Variants in FNBP1 observed in about 807,000 individuals in gnomAD.
FNBP1 encodes the protein formin-binding protein 1.
FNBP1 carries 26 observed loss-of-function variants against 90.6 expected under a neutral mutation model. The observed-to-expected ratio is 0.29, with a 90% CI of 0.21 to 0.40. FNBP1 has a LOEUF of 0.40. FNBP1 is among the 10% of genes least tolerant of loss of function. The pLI is 1.00. For synonymous variants in FNBP1, 260 were observed against 265.2 expected (o/e 0.98, Z 0.19); for missense variants, 635 against 768.0 (o/e 0.83, Z 2.05).
intron 1 of FNBP1, among the ~76,000 whole-genome samples, chr9:130,030,540 G>A (rs1299379162): frequency 2.6e-5 from 4 of 152,028 alleles, no homozygotes; most frequent in Admixed American, 6.6e-5. Context: ...CTATAAAACA[G>A]ACTCTATTCT....
At chr9:129,905,879 CT>C (rs35439760) in intron 12 of FNBP1, among the ~76,000 whole-genome samples, 15 of 145,414 alleles carry the variant, frequency 1.0e-4, no homozygotes, top group Non-Finnish European at 1.1e-4. Flanking sequence ...AGGCATATTT[CT>C]TTTTTTTTTT....
At chr9:129,922,307 C>T (rs537602638) in intron 10 of FNBP1, among the ~76,000 whole-genome samples, 2 of 152,330 alleles carry the variant, frequency 1.3e-5, no homozygotes, top group South Asian at 4.1e-4. Context: ...TCCATTATCT[C>T]TATGATGTAA....
intron 1 of FNBP1, among the ~76,000 whole-genome samples, chr9:130,001,219 T>C (rs2054787298): frequency 6.6e-6 from 1 of 150,386 alleles, no homozygotes; most frequent in Admixed American, 6.6e-5. Context: ...GTAATAACAG[T>C]TACTCGGGAG....
intron 11 of FNBP1, among the ~76,000 whole-genome samples, chr9:129,913,224 C>CA (rs1564308940): frequency 1.3e-5 from 2 of 151,896 alleles, no homozygotes; most frequent in African/African-American, 2.4e-5. Context: ...AAAACAAAAA[C>CA]AAAAAACTCA....
Position 129,888,345 on chromosome 9 carries a change from T to G in FNBP1, c.*2194A>C. 4.3e-6 allele frequency: 1 copy of G among 232,614 alleles called. No individual in the cohort carries two copies. The highest frequency in any genetic ancestry group is 8.5e-6 in the Non-Finnish European group (1 of 117,680). The allele number at this position is 232,614 out of a possible 1,614,324, so 14.4% of individuals were successfully genotyped here. On this transcript the variant is annotated 3_prime_UTR_variant, in exon 17 of 17. Coordinates refer to ENST00000446176, the MANE Select transcript of FNBP1 (RefSeq NM_015033.3). ...GAGTGGTCCACTTGACTTGGTGAGG[T>G]CAGAAGTTCCTGAAGATCCCTGTCG...
chr9:129,943,853 C>T (rs1019506808), intron 6 of FNBP1, among the ~76,000 whole-genome samples: 1 of 151,602 alleles, frequency 6.6e-6, no homozygotes. Flanking sequence ...ATTAGCCGGG[C>T]GTGGTATCGG....
chr9:129,976,879 G>A (rs1478526513), intron 4 of FNBP1, among the ~76,000 whole-genome samples: 1 of 151,784 alleles, frequency 6.6e-6, no homozygotes, highest in Non-Finnish European at 1.5e-5. Flanking sequence ...TAAAAGAACT[G>A]TTGTGGCTGG....
At chr9:129,951,455 T>G (rs1260718147) in intron 6 of FNBP1, among the ~76,000 whole-genome samples, 1 of 151,860 alleles carries the variant, frequency 6.6e-6, no homozygotes, top group African/African-American at 2.4e-5. Flanking sequence ...TTTGTTTGTT[T>G]GTTTGAGACA....
upstream of FNBP1, chr9:130,043,201 C>T (rs1352241317): frequency 1.7e-5 from 6 of 356,060 alleles, no homozygotes; most frequent in African/African-American, 4.3e-5. Context: ...GCCGCCGCAG[C>T]GCCCGCCCGC....
intron 12 of FNBP1, among the ~76,000 whole-genome samples, chr9:129,907,583 GTGTGT>G (rs2038361894): frequency 1.5e-3 from 5 of 3,278 alleles, no homozygotes; most frequent in Admixed American, 3.8e-3. Context: ...GAGTGAGGGT[GTGTGT>G]GTGTGTGTGT....
intron 2 of FNBP1, among the ~76,000 whole-genome samples, chr9:129,989,931 G>C (rs1365673905): frequency 6.6e-6 from 1 of 151,998 alleles, no homozygotes; most frequent in Non-Finnish European, 1.5e-5. Flanking sequence ...CCAGCTACTT[G>C]GGAGGCTGTG....
At chr9:129,967,083 G>T (rs946097862) in intron 4 of FNBP1, among the ~76,000 whole-genome samples, 2 of 152,222 alleles carry the variant, frequency 1.3e-5, no homozygotes, top group African/African-American at 4.8e-5. Flanking sequence ...GAGATGGTGT[G>T]TAAGAGAAAA....
Position 130,031,056 on chromosome 9 carries a change from G to T in FNBP1, c.24+11896C>A, listed in dbSNP as rs2058760254. ...CTCCCCCTTGAACATCTTGAAGTGG[G>T]AGGAGGCAGAGGGTGGCTCCTAGGC... On this transcript the variant is annotated intron_variant, in intron 1 of 16. Transcript: ENST00000446176. This position sits in a 1 kb window ranked among gnomAD's most constrained non-coding sequence, Gnocchi z 4.2. Among the ~76,000 whole-genome samples the T allele has an allele frequency of 6.6e-6, 1 of 152,182 alleles. No homozygotes were observed. The highest frequency in any genetic ancestry group is 6.5e-5 in the Admixed American group (1 of 15,276).
chr9:129,916,436 G>A (rs998569478), intron 10 of FNBP1, among the ~76,000 whole-genome samples: 7 of 152,028 alleles, frequency 4.6e-5, no homozygotes, highest in Non-Finnish European at 8.8e-5. Context: ...TGACCAACAC[G>A]GAGAAACCCT....
intron 8 of FNBP1, among the ~76,000 whole-genome samples, chr9:129,926,082 G>A (rs994552470): frequency 2.4e-4 from 36 of 148,424 alleles, no homozygotes; most frequent in African/African-American, 7.2e-4. Context: ...AGCAATTCTC[G>A]TGCCTCAGCC....
intron 1 of FNBP1, among the ~76,000 whole-genome samples, chr9:130,035,487 C>T (rs2059226066): frequency 6.6e-6 from 1 of 152,306 alleles, no homozygotes; most frequent in Non-Finnish European, 1.5e-5. Flanking sequence ...GTACTAATGA[C>T]TCCATCTAAG....
At chr9:130,027,943 G>C (rs1370452900) in intron 1 of FNBP1, among the ~76,000 whole-genome samples, 1 of 151,928 alleles carries the variant, frequency 6.6e-6, no homozygotes, top group Non-Finnish European at 1.5e-5. Flanking sequence ...AAAAAAAATA[G>C]GGTCTCATTG....
At chr9:130,048,304 GACTCCA>G in the FNBP1 span, among the ~76,000 whole-genome samples, 1 of 69,280 alleles carries the variant, frequency 1.4e-5, no homozygotes, top group Non-Finnish European at 2.5e-5. Flanking sequence ...GACAGAGCAA[GACTCCA>G]TCTCAAAAAA....
chr9:129,965,776 G>A (rs1236240451), intron 4 of FNBP1, among the ~76,000 whole-genome samples: 1 of 81,640 alleles, frequency 1.2e-5, no homozygotes, highest in Non-Finnish European at 2.5e-5. Context: ...AGGGAGGGAA[G>A]GGAGGGAAGG....
Sources: allele counts gnomAD v4.1 joint callset (sites outside exome capture counted in the v4.1 genomes callset), GRCh38; gene constraint gnomAD v4.1.1; non-coding constraint Gnocchi (gnomAD v3.1); transcripts MANE v1.5; gene names NCBI Gene and HGNC (gene_info 2026-07-23, HGNC 2026-07-21).